The following TAOK3 variants were observed in gnomAD, a reference collection of about 807,000 sequenced individuals.
TAOK3 encodes serine/threonine-protein kinase TAO3.
In TAOK3, 40 loss-of-function variants were observed where a neutral mutation model predicts 120.4. The ratio of observed to expected loss-of-function variants is 0.33; its 90% CI spans 0.26 to 0.43. The LOEUF (loss-of-function observed/expected upper bound fraction) is 0.43. Ranked by LOEUF, TAOK3 falls within the 20% of genes least tolerant of loss-of-function variation. The pLI is 1.00. For synonymous variants in TAOK3, 355 were observed against 387.5 expected, an observed-to-expected ratio of 0.92 and a Z score of 0.99; for missense variants, 821 against 1,112.1, an observed-to-expected ratio of 0.74 and a Z score of 3.72.
intron 8 of TAOK3, 126 bp from the exon 9 acceptor site, chr12:118,233,891 C>T (rs2039894890): frequency 1.6e-6 from 1 of 643,788 alleles, no homozygotes. Flanking sequence ...ATATTATTTC[C>T]TTACACAAAT....
chr12:118,219,275 C>T (rs950942386), intron 9 of TAOK3, among the ~76,000 whole-genome samples: 6 of 151,974 alleles, frequency 3.9e-5, no homozygotes, highest in East Asian at 1.9e-4. Flanking sequence ...GTGTGTGTGT[C>T]GGGGTCTTGC....
intron 13 of TAOK3, among the ~76,000 whole-genome samples, chr12:118,190,940 A>G (rs374150874): frequency 2.6e-5 from 4 of 152,346 alleles, no homozygotes; most frequent in African/African-American, 9.6e-5. Flanking sequence ...CCTCAAAAAC[A>G]TGTACAACCA....
intron 1 of TAOK3, among the ~76,000 whole-genome samples, chr12:118,341,245 C>T (rs1323727442): frequency 6.6e-6 from 1 of 152,082 alleles, no homozygotes. Context: ...AAGTGATCCG[C>T]CTGCCTCGGC....
At chr12:118,204,461 G>A (rs945227384) in intron 11 of TAOK3, among the ~76,000 whole-genome samples, 15 of 152,098 alleles carry the variant, frequency 9.9e-5, no homozygotes, top group Non-Finnish European at 1.3e-4. Flanking sequence ...TATATGTCTT[G>A]TGGTTCTGCA....
intron 1 of TAOK3, among the ~76,000 whole-genome samples, chr12:118,299,670 C>T (rs1048499897): frequency 6.6e-6 from 1 of 151,998 alleles, no homozygotes; most frequent in Admixed American, 6.6e-5. Context: ...CCACCACGCC[C>T]GACTAACTTT....
At chr12:118,300,242 A>G (rs984307687) in intron 1 of TAOK3, among the ~76,000 whole-genome samples, 6 of 152,218 alleles carry the variant, frequency 3.9e-5, no homozygotes, top group African/African-American at 7.2e-5. Flanking sequence ...CCCATTTACT[A>G]TTTAGCAAAA....
At chr12:118,366,150 G>C (rs2141320305) in intron 1 of TAOK3, among the ~76,000 whole-genome samples, 1 of 152,224 alleles carries the variant, frequency 6.6e-6, no homozygotes, top group Middle Eastern at 3.4e-3. Context: ...TGTAATCCCA[G>C]CTACTCTGGA....
chr12:118,261,700 A>C (rs755226722), intron 2 of TAOK3: 2 of 152,212 alleles, frequency 1.3e-5, no homozygotes, highest in African/African-American at 2.4e-5. Flanking sequence ...AATAAGAAAA[A>C]AAGAAACAAA....
intron 1 of TAOK3, among the ~76,000 whole-genome samples, chr12:118,364,121 A>T (rs2045681844): frequency 1.3e-5 from 2 of 152,072 alleles, no homozygotes; most frequent in Admixed American, 1.3e-4. Flanking sequence ...GGGCAACAAG[A>T]GCAAAACTCC....
intron 9 of TAOK3, among the ~76,000 whole-genome samples, chr12:118,217,833 A>C (rs1414967884): frequency 1.0e-5 from 1 of 99,566 alleles, no homozygotes; most frequent in Non-Finnish European, 2.0e-5. Context: ...ATATATATAT[A>C]TATATATATA....
At chr12:118,322,718 CTT>C (rs199608892) in intron 1 of TAOK3, among the ~76,000 whole-genome samples, 66 of 93,814 alleles carry the variant, frequency 7.0e-4, no homozygotes, top group African/African-American at 1.7e-3. Context: ...ATTTAAAAAC[CTT>C]TTTTTTTTTT....
chr12:118,248,543 G>A (rs915608005), intron 3 of TAOK3, among the ~76,000 whole-genome samples: 2 of 152,124 alleles, frequency 1.3e-5, no homozygotes, highest in Non-Finnish European at 2.9e-5. Context: ...AATATATATA[G>A]TGCAGCTTAA....
chr12:118,280,302 C>G (rs1409777555), intron 1 of TAOK3, among the ~76,000 whole-genome samples: 1 of 152,082 alleles, frequency 6.6e-6, no homozygotes, highest in African/African-American at 2.4e-5. Context: ...CTCAAGTGAC[C>G]CACCTGCCTC....
At position 118,217,783 on chromosome 12, in the gene TAOK3, A is replaced by ATATG. The variant is rs1254313080; in HGVS notation, c.644-3677_644-3674dup. Among the ~76,000 whole-genome samples, 110 of 110,482 alleles carry ATATG rather than the reference A, an allele frequency of 1.0e-3. 2 individuals carry two copies. The South Asian group carries it at 0.032, about 32-fold the overall frequency. The allele number at this position is 110,482 out of a possible 152,430, so 72.5% of individuals were successfully genotyped here. On this transcript the variant is annotated intron_variant, in intron 9 of 20. Transcript: ENST00000392533. ...ATATATGTATTTTATGTATATATGT[A>ATATG]TATGTATGTATGTATGTGTGTGTGT...
chr12:118,307,178 C>T (rs552292072), intron 1 of TAOK3, among the ~76,000 whole-genome samples: 2 of 152,258 alleles, frequency 1.3e-5, no homozygotes, highest in East Asian at 3.9e-4. Context: ...AGGTTTTGAG[C>T]ACGGTTTTTT....
chr12:118,249,961 T>C (rs543995229), intron 3 of TAOK3, among the ~76,000 whole-genome samples: 43 of 152,338 alleles, frequency 2.8e-4, no homozygotes, highest in African/African-American at 9.9e-4. Context: ...AGGTGGGTTA[T>C]GGATAATATA....
At chr12:118,359,991 C>T (rs551702290) in intron 1 of TAOK3, among the ~76,000 whole-genome samples, 8 of 152,262 alleles carry the variant, frequency 5.3e-5, no homozygotes, top group African/African-American at 1.9e-4. Context: ...TGTGGTCAGG[C>T]GTGGTGGCTC....
chr12:118,345,744 T>C (rs1450367928), intron 1 of TAOK3, among the ~76,000 whole-genome samples: 1 of 151,030 alleles, frequency 6.6e-6, no homozygotes, highest in African/African-American at 2.4e-5. Context: ...ATGGTCTACC[T>C]GATGTAGAAT....
chr12:118,286,039 C>T (rs886259442), intron 1 of TAOK3, among the ~76,000 whole-genome samples: 1 of 152,162 alleles, frequency 6.6e-6, no homozygotes, highest in Non-Finnish European at 1.5e-5. Flanking sequence ...ATGCATTTAC[C>T]TCAGTGAGCA....
Sources: allele counts gnomAD v4.1 joint callset (sites outside exome capture counted in the v4.1 genomes callset), GRCh38; gene constraint gnomAD v4.1.1; transcripts MANE v1.5; gene names NCBI Gene and HGNC (gene_info 2026-07-23, HGNC 2026-07-21).